BMPER: variants seen among roughly 807,000 people sequenced by gnomAD.
BMPER encodes BMP-binding endothelial regulator protein.
In BMPER, 45 loss-of-function variants were observed where a neutral mutation model predicts 87.3. The observed-to-expected ratio is 0.52, with a 90% confidence interval of 0.41 to 0.66. BMPER has a LOEUF of 0.66. BMPER is among the 30% of genes least tolerant of loss of function. BMPER has a pLI of 0.00. For synonymous variants in BMPER, 326 were observed against 316.2 expected, an observed-to-expected ratio of 1.03 and a Z score of -0.33; for missense variants, 784 against 867.5, an observed-to-expected ratio of 0.90 and a Z score of 1.21.
intron 13 of BMPER, among the ~76,000 whole-genome samples, chr7:34,119,762 C>T (rs953003050): frequency 1.4e-4 from 21 of 152,130 alleles, no homozygotes; most frequent in African/African-American, 4.3e-4. Context: ...TTAAAGCTCC[C>T]TATTAAAAAT....
chr7:34,063,791 A>G (rs1260428523), intron 11 of BMPER, among the ~76,000 whole-genome samples: 2 of 152,228 alleles, frequency 1.3e-5, no homozygotes, highest in African/African-American at 4.8e-5. Context: ...TAGAGTCTAC[A>G]CTGATGAAGT....
chr7:34,062,180 C>T, intron 11 of BMPER, 133 bp downstream of exon 11: 1 of 767,854 alleles, frequency 1.3e-6, no homozygotes, highest in Non-Finnish European at 2.2e-6. Flanking sequence ...CATCTCACCT[C>T]CCTACAGTCA....
chr7:33,924,375 C>G (rs1318036529), intron 2 of BMPER, among the ~76,000 whole-genome samples: 1 of 152,258 alleles, frequency 6.6e-6, no homozygotes. Context: ...GGCTTCTCCT[C>G]TCACCCGGAA....
At chr7:33,977,710 CTATA>C (rs1398477936) in intron 6 of BMPER, among the ~76,000 whole-genome samples, 2 of 152,022 alleles carry the variant, frequency 1.3e-5, no homozygotes, top group African/African-American at 4.8e-5. Flanking sequence ...ATTTATGTGA[CTATA>C]TATTTGTATA....
chr7:34,126,932 A>G (rs1790417601), intron 13 of BMPER, among the ~76,000 whole-genome samples: 1 of 152,244 alleles, frequency 6.6e-6, no homozygotes, highest in Non-Finnish European at 1.5e-5. Flanking sequence ...CCTTTATAAA[A>G]CAGCAGACAG....
chr7:34,100,864 C>T (rs530421424), intron 13 of BMPER, among the ~76,000 whole-genome samples: 1 of 152,188 alleles, frequency 6.6e-6, no homozygotes, highest in Non-Finnish European at 1.5e-5. Context: ...CAGAGACACA[C>T]ATGCTCAGAC....
intron 2 of BMPER, among the ~76,000 whole-genome samples, chr7:33,914,706 T>TA (rs956900132): frequency 5.9e-5 from 9 of 152,092 alleles, no homozygotes; most frequent in Admixed American, 2.6e-4. Context: ...ATTGAGATTT[T>TA]AAAAAAATGG....
At chr7:33,940,422 G>A (rs1355749551) in intron 3 of BMPER, among the ~76,000 whole-genome samples, 1 of 152,188 alleles carries the variant, frequency 6.6e-6, no homozygotes, top group African/African-American at 2.4e-5. Flanking sequence ...AAGCCAAAGA[G>A]CCTTGCGTAG....
intron 12 of BMPER, among the ~76,000 whole-genome samples, chr7:34,085,070 C>A (rs1363720712): frequency 3.3e-5 from 5 of 152,154 alleles, no homozygotes; most frequent in Non-Finnish European, 7.4e-5. Context: ...AAACCCAGAA[C>A]GGAGGCCTGA....
At chr7:34,041,268 C>T (rs1396329470) in intron 6 of BMPER, among the ~76,000 whole-genome samples, 3 of 152,152 alleles carry the variant, frequency 2.0e-5, no homozygotes, top group African/African-American at 7.2e-5. Flanking sequence ...CCCACAGGGT[C>T]TTCTGGAGAC....
chr7:34,099,258 C>T (rs1430377025), intron 13 of BMPER, among the ~76,000 whole-genome samples: 1 of 152,196 alleles, frequency 6.6e-6, no homozygotes, highest in Non-Finnish European at 1.5e-5. Context: ...ATCTGTTTGA[C>T]CCGGGCAGCA....
At chr7:34,077,023 G>A (rs79196519) in intron 11 of BMPER, among the ~76,000 whole-genome samples, 2 of 152,164 alleles carry the variant, frequency 1.3e-5, no homozygotes, top group African/African-American at 4.8e-5. Context: ...TGGTCATCAG[G>A]TTACTATGTA....
At chr7:34,021,712 A>G (rs144582209) in intron 6 of BMPER, among the ~76,000 whole-genome samples, 114 of 152,168 alleles carry the variant, frequency 7.5e-4, no homozygotes, top group Non-Finnish European at 1.5e-3. Flanking sequence ...TAGAAACATA[A>G]AGGATATCTA....
chr7:33,905,795 ACCT>A, intron 1 of BMPER, 49 bp downstream of exon 1: 2 of 1,052,788 alleles, frequency 1.9e-6, no homozygotes, highest in Non-Finnish European at 1.3e-6. Flanking sequence ...CCGGTTTGGT[ACCT>A]GGGAAAGGTG....
intron 11 of BMPER, among the ~76,000 whole-genome samples, chr7:34,063,755 G>A (rs1318895633): frequency 6.6e-6 from 1 of 152,176 alleles, no homozygotes; most frequent in African/African-American, 2.4e-5. Context: ...CTGCCTTCCA[G>A]TTAATTCCCT....
intron 6 of BMPER, among the ~76,000 whole-genome samples, chr7:34,030,421 T>C (rs1562698855): frequency 6.6e-6 from 1 of 152,142 alleles, no homozygotes; most frequent in Non-Finnish European, 1.5e-5. Context: ...ATATCCTGTA[T>C]TTCCCCAATG....
chr7:34,126,308 G>A (rs1167524659), intron 13 of BMPER, among the ~76,000 whole-genome samples: 1 of 152,242 alleles, frequency 6.6e-6, no homozygotes, highest in Non-Finnish European at 1.5e-5. Flanking sequence ...AAATGGAGAT[G>A]AAGGTGTAAA....
At chr7:34,079,314 T>G (rs1482278301) in intron 12 of BMPER, 128 bp downstream of exon 12, 3 of 1,242,862 alleles carry the variant, frequency 2.4e-6, no homozygotes, top group African/African-American at 3.0e-5. Context: ...CAGAGCCAGG[T>G]TCCAACTGCG....
At chr7:33,960,454 G>A (rs971007709) in intron 3 of BMPER, among the ~76,000 whole-genome samples, 2 of 152,196 alleles carry the variant, frequency 1.3e-5, no homozygotes, top group Non-Finnish European at 2.9e-5. Flanking sequence ...ACCAAGTCCA[G>A]GGGAGCAGGG....
Sources: gnomAD v4.1 joint callset for allele counts (sites outside exome capture counted in the v4.1 genomes callset) on GRCh38, gnomAD v4.1.1 for gene constraint, MANE v1.5 for transcripts, NCBI Gene and HGNC (gene_info 2026-07-23, HGNC 2026-07-21) for gene names.